Variants in MARK2 observed in about 807,000 individuals in gnomAD.
MARK2 encodes microtubule affinity regulating kinase 2.
MARK2 carries 16 observed loss-of-function variants against 89.8 expected under a neutral mutation model. That is an observed-to-expected ratio of 0.18 (90% CI 0.12 to 0.27). MARK2 has a LOEUF of 0.27. MARK2 is among the 10% of genes least tolerant of loss of function. The pLI is 1.00. For missense variants in MARK2, 621 were observed against 1,049.9 expected, an observed-to-expected ratio of 0.59 and a Z score of 5.65; for synonymous variants, 382 against 399.5, an observed-to-expected ratio of 0.96 and a Z score of 0.52.
intron 11 of MARK2, among the ~76,000 whole-genome samples, chr11:63,901,399 G>A (rs1235577859): frequency 7.9e-6 from 1 of 127,154 alleles, no homozygotes; most frequent in African/African-American, 3.0e-5. Context: ...GTCTCTTTTT[G>A]TATCTGGAAG....
chr11:63,903,009 C>A lies in MARK2; in HGVS notation c.1417-52C>A. ...CCATGAACCTGGGGGGAGAACCTGG[C>A]TGTAGACCACTTTGGCTTTCTGATA... On this transcript the variant is annotated intron_variant, in intron 13 of 18. Transcript: ENST00000402010. This position sits in a 1 kb window ranked among gnomAD's most constrained non-coding sequence, Gnocchi z 5.1. 1.3e-6 allele frequency: 2 copies of A among 1,495,952 alleles called. No homozygotes were observed. The highest frequency in any genetic ancestry group is 1.9e-6 in the Non-Finnish European group (2 of 1,073,396). The allele number at this position is 1,495,952 out of a possible 1,614,324, so 92.7% of individuals were successfully genotyped here. A position where few individuals can be genotyped will look rare whatever the true frequency, so the allele number is the denominator to read the frequency against.
At chr11:63,881,762 A>T (rs574439390) in intron 1 of MARK2, among the ~76,000 whole-genome samples, 2 of 152,162 alleles carry the variant, frequency 1.3e-5, no homozygotes, top group African/African-American at 4.8e-5. Flanking sequence ...CCTGGGCAAG[A>T]TGGCAAGATG....
chr11:63,891,041 T>C (rs1939809874), intron 1 of MARK2, among the ~76,000 whole-genome samples: 1 of 152,196 alleles, frequency 6.6e-6, no homozygotes, highest in Admixed American at 6.5e-5. Context: ...ATGTTACACT[T>C]GTTTTATTTT....
chr11:63,849,415 G>C (rs199882832), intron 1 of MARK2, among the ~76,000 whole-genome samples: 1 of 152,144 alleles, frequency 6.6e-6, no homozygotes, highest in East Asian at 1.9e-4. Context: ...CAAACTTTTT[G>C]AACACTTTTT....
At chr11:63,888,708 G>A in intron 1 of MARK2, 1 of 1,191,604 alleles carries the variant, frequency 8.4e-7, no homozygotes, top group South Asian at 1.5e-5. Flanking sequence ...CTCTGCTAGT[G>A]GTGGTTTCGG....
At chr11:63,845,234 C>T (rs61886106) in intron 1 of MARK2, among the ~76,000 whole-genome samples, 11,468 of 152,214 alleles carry the variant, frequency 0.075, 548 homozygotes, top group South Asian at 0.22. Flanking sequence ...TACTAGGCCT[C>T]TGCTTTGAGA....
At chr11:63,849,039 C>G (rs977143442) in intron 1 of MARK2, among the ~76,000 whole-genome samples, 3 of 152,098 alleles carry the variant, frequency 2.0e-5, no homozygotes, top group African/African-American at 7.2e-5. Context: ...GGGTCTCACC[C>G]TGTCACCCAG....
At chr11:63,874,230 G>A (rs1758460779) in intron 1 of MARK2, among the ~76,000 whole-genome samples, 1 of 152,204 alleles carries the variant, frequency 6.6e-6, no homozygotes, top group African/African-American at 2.4e-5. Flanking sequence ...CCCTGGAACT[G>A]CACCTAAAAA....
chr11:63,850,496 GA>G (rs1056464273), intron 1 of MARK2, among the ~76,000 whole-genome samples: 3 of 150,482 alleles, frequency 2.0e-5, no homozygotes, highest in African/African-American at 2.4e-5. Context: ...TCACCTATCT[GA>G]AAAAAAATGG....
chr11:63,841,364 G>T lies in MARK2; in HGVS notation c.54+1804G>T, dbSNP rs150128386. On this transcript the variant is annotated intron_variant, in intron 1 of 18. Coordinates refer to ENST00000402010, the MANE Select transcript of MARK2 (RefSeq NM_001039469.3). ...ACTTGTGGATTATTTGCTTCTGGGGGTGAAATAGGGGTTGAGAGGGAGGGA... is the reference window on the plus strand; with the variant it reads ...ACTTGTGGATTATTTGCTTCTGGGGTTGAAATAGGGGTTGAGAGGGAGGGA... Among the ~76,000 whole-genome samples, 290 of 152,284 alleles carry T rather than the reference G, an allele frequency of 1.9e-3. 1 individual carries two copies. Among genetic ancestry groups the T allele is most frequent in the African/African-American group, 6.7e-3 (277 of 41,552 alleles).
rs1454725572 is a variant in MARK2, at chr11:63,910,647, A to ATT, written c.*1413_*1414dup. On this transcript the variant is annotated 3_prime_UTR_variant, in exon 19 of 19. Transcript: ENST00000402010. ...GATGGGTTTTATTTTTTATTATTTT[A>ATT]TTTTATTTTTTTTTTTTTTGATTTA... is the stretch of plus-strand genomic sequence containing the variant. 11 of 36,208 alleles carry ATT rather than the reference A, an allele frequency of 3.0e-4. No homozygotes were observed. Among genetic ancestry groups the ATT allele is most frequent in the East Asian group, 2.7e-3 (3 of 1,132 alleles). 2.2% of individuals were successfully genotyped at this position (36,208 alleles called of 1,614,324 possible).
chr11:63,874,683 C>G (rs1200839706), intron 1 of MARK2, among the ~76,000 whole-genome samples: 2 of 152,214 alleles, frequency 1.3e-5, no homozygotes, highest in African/African-American at 4.8e-5. Context: ...CCTCCCTTGA[C>G]AGGTTGTTCT....
At chr11:63,906,004 C>T in intron 16 of MARK2, 84 bp from the exon 17 acceptor site, 1 of 1,181,328 alleles carries the variant, frequency 8.5e-7, no homozygotes, top group Admixed American at 3.5e-5. Flanking sequence ...AGCCACCTCC[C>T]CCACCTGCTT....
At chr11:63,843,143 A>G (rs1434546215) in intron 1 of MARK2, among the ~76,000 whole-genome samples, 1 of 151,366 alleles carries the variant, frequency 6.6e-6, no homozygotes, top group East Asian at 1.9e-4. Flanking sequence ...AGCTTGGGGG[A>G]TTCTTAGTTT....
At chr11:63,877,301 G>A (rs1192601874) in intron 1 of MARK2, among the ~76,000 whole-genome samples, 1 of 151,516 alleles carries the variant, frequency 6.6e-6, no homozygotes, top group African/African-American at 2.4e-5. Flanking sequence ...AGTAGAGATG[G>A]GGTTTCATCA....
intron 18 of MARK2, among the ~76,000 whole-genome samples, chr11:63,908,626 G>A (rs1941542764): frequency 6.6e-6 from 1 of 152,182 alleles, no homozygotes; most frequent in African/African-American, 2.4e-5. Context: ...TGCTCGTGCT[G>A]TTGAGGGCAC....
chr11:63,885,662 C>G (rs562834368), intron 1 of MARK2, among the ~76,000 whole-genome samples: 2 of 151,416 alleles, frequency 1.3e-5, no homozygotes, highest in African/African-American at 2.4e-5. Context: ...TGGTGAAACC[C>G]CATCTTACTA....
chr11:63,902,473 C>T lies in MARK2; in HGVS notation c.1235-128C>T. On this transcript the variant is annotated intron_variant, in intron 12 of 18. Coordinates refer to ENST00000402010, the MANE Select transcript of MARK2 (RefSeq NM_001039469.3). The surrounding 1 kb of genome is among the most constrained non-coding windows in gnomAD (Gnocchi z 4.2). ...GTGTGGCTATGGGCAAGCCACTTCC[C>T]TTCCCTCGCCTCTGTGGAATGGGGG... is the stretch of plus-strand genomic sequence containing the variant. The T allele has an allele frequency of 2.2e-6, 3 of 1,373,652 alleles. No individual in the cohort carries two copies. Among genetic ancestry groups the T allele is most frequent in the Non-Finnish European group, 2.0e-6 (2 of 987,298 alleles). The allele number at this position is 1,373,652 out of a possible 1,614,324, so 85.1% of individuals were successfully genotyped here.
intron 16 of MARK2, among the ~76,000 whole-genome samples, chr11:63,905,605 T>C (rs1378888979): frequency 6.6e-6 from 1 of 152,242 alleles, no homozygotes; most frequent in Non-Finnish European, 1.5e-5. Context: ...CTAACTCCGA[T>C]GTGCCAAAGG....
Sources: gnomAD v4.1 joint callset for allele counts (sites outside exome capture counted in the v4.1 genomes callset) on GRCh38, gnomAD v4.1.1 for gene constraint, Gnocchi (gnomAD v3.1) non-coding constraint, MANE v1.5 for transcripts, NCBI Gene and HGNC (gene_info 2026-07-23, HGNC 2026-07-21) for gene names.